The following CDH13 variants were observed in gnomAD, a reference collection of about 807,000 sequenced individuals.
CDH13 encodes the protein cadherin 13.
A neutral mutation model predicts 63.8 loss-of-function variants in CDH13; 24 were observed. The ratio of observed to expected loss-of-function variants is 0.38; its 90% CI spans 0.27 to 0.53. CDH13 has a LOEUF of 0.53. Among genes scored for constraint, CDH13 ranks in the 20% least tolerant of loss-of-function variants. The pLI is 0.85. For synonymous variants in CDH13, 503 were observed against 355.3 expected (o/e 1.42, Z -4.67); for missense variants, 1,049 against 903.1 (o/e 1.16, Z -2.07).
At chr16:82,691,243 C>T (rs1915615346) in intron 1 of CDH13, among the ~76,000 whole-genome samples, 1 of 152,208 alleles carries the variant, frequency 6.6e-6, no homozygotes, top group African/African-American at 2.4e-5. Flanking sequence ...GCATCAGGTA[C>T]TGTGCACCTC....
intron 2 of CDH13, among the ~76,000 whole-genome samples, chr16:82,909,968 C>A (rs1446839057): frequency 6.6e-6 from 1 of 152,154 alleles, no homozygotes; most frequent in Non-Finnish European, 1.5e-5. Flanking sequence ...ACCTTCCCTC[C>A]CTGCCTTCTT....
chr16:83,294,909 C>G (rs1158664176), intron 5 of CDH13, among the ~76,000 whole-genome samples: 1 of 151,980 alleles, frequency 6.6e-6, no homozygotes. Flanking sequence ...CCACAAAAGA[C>G]CATGGATAGC....
chr16:83,172,803 A>AAG (rs1348539736), intron 4 of CDH13, among the ~76,000 whole-genome samples: 4 of 152,110 alleles, frequency 2.6e-5, no homozygotes, highest in Non-Finnish European at 5.9e-5. Flanking sequence ...AAAAGAAAAC[A>AAG]AAGAAGGCTA....
At chr16:82,985,758 G>T (rs894543883) in intron 2 of CDH13, among the ~76,000 whole-genome samples, 12 of 152,184 alleles carry the variant, frequency 7.9e-5, no homozygotes, top group Non-Finnish European at 1.6e-4. Flanking sequence ...CTGGTGGGAG[G>T]TGACTGGAGC....
intron 2 of CDH13, among the ~76,000 whole-genome samples, chr16:83,015,275 G>A (rs1166812018): frequency 6.6e-6 from 1 of 151,760 alleles, no homozygotes; most frequent in Non-Finnish European, 1.5e-5. Context: ...ATGAGTTAAA[G>A]GATGTATACC....
intron 2 of CDH13, among the ~76,000 whole-genome samples, chr16:82,954,991 T>C (rs1006139557): frequency 2.6e-5 from 4 of 152,208 alleles, no homozygotes; most frequent in Non-Finnish European, 5.9e-5. Flanking sequence ...CCAAATAATA[T>C]TCCATTGCCT....
At chr16:82,943,686 A>T (rs774811282) in intron 2 of CDH13, among the ~76,000 whole-genome samples, 33 of 152,226 alleles carry the variant, frequency 2.2e-4, no homozygotes, top group Non-Finnish European at 4.0e-4. Flanking sequence ...ACTTTGGAGA[A>T]CAAAGAAATA....
intron 7 of CDH13, among the ~76,000 whole-genome samples, chr16:83,560,046 C>A (rs1440041665): frequency 2.0e-5 from 3 of 152,158 alleles, no homozygotes; most frequent in African/African-American, 7.2e-5. Context: ...CTTCAACTTC[C>A]TGCAACACCC....
chr16:83,714,834 C>T (rs1416038528), intron 10 of CDH13, among the ~76,000 whole-genome samples: 1 of 152,108 alleles, frequency 6.6e-6, no homozygotes, highest in East Asian at 1.9e-4. Flanking sequence ...CATCTATCTT[C>T]GATGAGAATG....
chr16:83,407,105 T>C (rs1316119398), intron 6 of CDH13, among the ~76,000 whole-genome samples: 1 of 152,218 alleles, frequency 6.6e-6, no homozygotes, highest in African/African-American at 2.4e-5. Flanking sequence ...TTTGAGCGCC[T>C]ACTGTGTGCC....
At chr16:83,183,098 T>A (rs2038402240) in intron 4 of CDH13, among the ~76,000 whole-genome samples, 6 of 152,222 alleles carry the variant, frequency 3.9e-5, no homozygotes, top group Admixed American at 3.9e-4. Flanking sequence ...ATAAACAGAC[T>A]TTATCTTAAG....
In CDH13 at chr16:82,841,529, A is replaced by G. The variant is rs368889725; in HGVS notation, c.46-16833A>G. On this transcript the variant is annotated intron_variant, in intron 1 of 13. Transcript: ENST00000567109. ...AGCTAGGACTCCAGATAAAACATCA[A>G]AAGCAATATTTAAATAACACACAGC... 4.6e-5 allele frequency among the ~76,000 whole-genome samples: 7 copies of G among 152,206 alleles called. No homozygotes were observed. In the East Asian group the frequency reaches 1.4e-3, roughly 29 times the overall value.
chr16:83,224,966 T>G (rs971434943), intron 5 of CDH13, among the ~76,000 whole-genome samples: 6 of 152,222 alleles, frequency 3.9e-5, no homozygotes, highest in Non-Finnish European at 8.8e-5. Flanking sequence ...CAGTTGAATG[T>G]CAGTAACTCT....
intron 11 of CDH13, among the ~76,000 whole-genome samples, chr16:83,768,957 T>C (rs1250578133): frequency 6.6e-6 from 1 of 152,238 alleles, no homozygotes; most frequent in African/African-American, 2.4e-5. Flanking sequence ...CCAGTAGGTC[T>C]CATCCTCATT....
At chr16:83,617,622 C>T (rs1375862446) in intron 8 of CDH13, among the ~76,000 whole-genome samples, 1 of 151,206 alleles carries the variant, frequency 6.6e-6, no homozygotes, top group East Asian at 1.9e-4. Flanking sequence ...TTAATATGCA[C>T]ATATTCTAAT....
intron 1 of CDH13, among the ~76,000 whole-genome samples, chr16:82,690,919 T>A (rs1915582908): frequency 6.6e-6 from 1 of 152,186 alleles, no homozygotes; most frequent in Non-Finnish European, 1.5e-5. Flanking sequence ...TCTAGTTGCC[T>A]GTGGCAGATA....
At chr16:82,778,170 G>A (rs774968114) in intron 1 of CDH13, among the ~76,000 whole-genome samples, 33 of 152,134 alleles carry the variant, frequency 2.2e-4, no homozygotes, top group Non-Finnish European at 4.1e-4. Context: ...AAAATGATGG[G>A]TCAAATTCCT....
At chr16:82,776,872 G>T (rs940922585) in intron 1 of CDH13, among the ~76,000 whole-genome samples, 1 of 152,160 alleles carries the variant, frequency 6.6e-6, no homozygotes, top group African/African-American at 2.4e-5. Context: ...CAAAGCCCTG[G>T]AAATTCTGGT....
intron 10 of CDH13, among the ~76,000 whole-genome samples, chr16:83,747,427 C>G (rs1332778999): frequency 6.6e-6 from 1 of 152,094 alleles, no homozygotes; most frequent in Admixed American, 6.5e-5. Flanking sequence ...TGCCTTTCAC[C>G]TTCCGCCATG....
Sources: allele counts gnomAD v4.1 joint callset (sites outside exome capture counted in the v4.1 genomes callset), GRCh38; gene constraint gnomAD v4.1.1; transcripts MANE v1.5; gene names NCBI Gene and HGNC (gene_info 2026-07-23, HGNC 2026-07-21).